DNAH17: variants seen among roughly 807,000 people sequenced by gnomAD.
The protein encoded by DNAH17 is axonemal beta dynein heavy chain 17.
In DNAH17, 376 loss-of-function variants were observed where a neutral mutation model predicts 485.6. The ratio of observed to expected loss-of-function variants is 0.77; its 90% CI spans 0.71 to 0.84. The LOEUF (loss-of-function observed/expected upper bound fraction) is 0.84. DNAH17 is among the 40% of genes least tolerant of loss of function. The pLI is 0.00. For synonymous variants in DNAH17, 3,031 were observed against 2,405.9 expected, an observed-to-expected ratio of 1.26 and a Z score of -7.60; for missense variants, 6,370 against 5,839.3, an observed-to-expected ratio of 1.09 and a Z score of -2.96.
intron 36 of DNAH17, chr17:78,500,032 A>C (rs1298234120): frequency 2.5e-6 from 1 of 402,462 alleles, no homozygotes; most frequent in Non-Finnish European, 4.5e-6. Context: ...GTTCGGGGCA[A>C]TCTTAACAAC....
In DNAH17 at chr17:78,543,863, C is replaced by T; in HGVS notation, c.2526G>A (p.Met842Ile). ...CTCCTGGGTGTTTCCTTACTGCAAC[C>T]ATGGCTTGGATCTTCACTCCAGCAT... ...VRDAGVKIQA[M>I]VAENAELFRA... The change falls in exon 17 of 81, where the codon ATG (methionine) becomes ATA (isoleucine). Residue 842 changes from methionine to isoleucine, a missense_variant. By Grantham distance (10) the Met-to-Ile change is conservative. Coordinates refer to ENST00000389840, the MANE Select transcript of DNAH17 (RefSeq NM_173628.4). 1 of 1,614,038 alleles carries T rather than the reference C, an allele frequency of 6.2e-7. No homozygotes were observed. The highest frequency in any genetic ancestry group is 8.5e-7 in the Non-Finnish European group (1 of 1,179,900).
intron 13 of DNAH17, among the ~76,000 whole-genome samples, chr17:78,560,323 G>A (rs2092124761): frequency 6.6e-6 from 1 of 152,152 alleles, no homozygotes; most frequent in Non-Finnish European, 1.5e-5. Flanking sequence ...CAGCTCTGGG[G>A]CTGTGCTTGT....
rs1406235992 is a variant in DNAH17 at position 78,450,392 on chromosome 17, C to T, written c.10902G>A (p.Val3634=). 6.2e-7 allele frequency: 1 copy of T among 1,613,710 alleles called. No individual in the cohort carries two copies. Among genetic ancestry groups the T allele is most frequent in the East Asian group, 2.2e-5 (1 of 44,886 alleles). The change falls in exon 68 of 81, where the codon GTG becomes GTA. Residue 3634 remains valine (V), a splice_region_variant and synonymous_variant. Coordinates refer to ENST00000389840, the MANE Select transcript of DNAH17 (RefSeq NM_173628.4). ...KHTASEIEEK[V]VEAKITEVKI... ...TAACTTCTGTGATTTTTGCCTCCACCACCTCGACACAAACAAAAGGGGTGT... is the reference window on the plus strand; with the variant it reads ...TAACTTCTGTGATTTTTGCCTCCACTACCTCGACACAAACAAAAGGGGTGT...
At chr17:78,501,671 C>A in intron 34 of DNAH17, 71 bp downstream of exon 34, 1 of 1,565,638 alleles carries the variant, frequency 6.4e-7, no homozygotes, top group African/African-American at 1.4e-5. Flanking sequence ...GTCTGAAGTC[C>A]CTGAATGCAC....
intron 34 of DNAH17, 85 bp from the exon 35 acceptor site, chr17:78,501,429 G>C (rs576660935): frequency 2.7e-6 from 4 of 1,469,914 alleles, no homozygotes; most frequent in East Asian, 2.3e-5. Context: ...CTCCAAGGCC[G>C]GTCCCCTGCT....
At chr17:78,523,270 C>T (rs940436822) in intron 25 of DNAH17, among the ~76,000 whole-genome samples, 3 of 152,014 alleles carry the variant, frequency 2.0e-5, no homozygotes, top group Non-Finnish European at 4.4e-5. Context: ...ATTACAGGCA[C>T]CTGCCACCAT....
intron 37 of DNAH17, chr17:78,498,762 C>T: frequency 2.9e-6 from 1 of 346,390 alleles, no homozygotes. Context: ...TAATTATTCT[C>T]CCACCTGTAT....
rs199669660 is a variant in DNAH17, at chr17:78,423,965, T to C, written c.13330A>G (p.Thr4444Ala). ...ATCCACTTCGCTGCCTTCTCTTTGGTCTTCAAGTTAAAGGTCCAGACATAG... is the reference window on the plus strand; with the variant it reads ...ATCCACTTCGCTGCCTTCTCTTTGGCCTTCAAGTTAAAGGTCCAGACATAG... ...PTYVWTFNLK[T>A]KEKAAKWILA... Residue 4444 changes from threonine to alanine, a missense_variant, in exon 81 of 81, where the codon ACC (threonine) becomes GCC (alanine). Physicochemically the swap from Thr to Ala is moderately conservative, Grantham distance 58. Transcript: ENST00000389840. 188 of 1,613,862 alleles carry C rather than the reference T, an allele frequency of 1.2e-4. 1 individual carries two copies. Among genetic ancestry groups the C allele is most frequent in the Non-Finnish European group, 1.1e-4 (127 of 1,179,888 alleles).
At chr17:78,499,471 G>A (rs143396434) in intron 36 of DNAH17, 50 of 161,052 alleles carry the variant, frequency 3.1e-4, no homozygotes, top group African/African-American at 8.3e-4. Flanking sequence ...CCTCTAAGGC[G>A]GGATGGGGGC....
chr17:78,466,451 T>TA lies in DNAH17; in HGVS notation c.8940+203dup, dbSNP rs910731168. 3.9e-4 allele frequency among the ~76,000 whole-genome samples: 59 copies of TA among 150,756 alleles called. 1 individual carries two copies. In the South Asian group the frequency reaches 8.2e-3, roughly 21 times the overall value. ...AATTATCAATAAAAAATAAATAAAT[T>TA]AAAAAAAAATAAAAAATAAAAAATA... is the stretch of plus-strand genomic sequence containing the variant. On this transcript the variant is annotated intron_variant, in intron 56 of 80. Transcript: ENST00000389840.
chr17:78,512,577 C>T (rs1046543041), intron 26 of DNAH17, among the ~76,000 whole-genome samples: 3 of 151,864 alleles, frequency 2.0e-5, no homozygotes, highest in African/African-American at 4.8e-5. Flanking sequence ...TGTCCTCCCC[C>T]TATTTGCCTA....
chr17:78,558,601 G>C (rs1017933850), intron 13 of DNAH17, among the ~76,000 whole-genome samples: 57 of 152,160 alleles, frequency 3.7e-4, no homozygotes, highest in African/African-American at 1.3e-3. Context: ...TTATCCTTAT[G>C]GGTGGATGAT....
Position 78,451,654 on chromosome 17 carries a change from T to C in DNAH17, c.10549A>G (p.Lys3517Glu), listed in dbSNP as rs774088303. Residue 3517 changes from lysine (K) to glutamate (E), a missense_variant, in exon 66 of 81, where the codon AAG (lysine) becomes GAG (glutamate). Lys to Glu is a moderately conservative substitution (Grantham distance 56). Transcript: ENST00000389840. ...KKGKYIKIGDKEVEYHPKFRL... is the reference protein window; with the variant it reads ...KKGKYIKIGDEEVEYHPKFRL... ...AACTTGGGGTGGTACTCCACCTCCT[T>C]GTCACCGATCTTAATGTACCTGGCG... 3.2e-6 allele frequency: 5 copies of C among 1,579,476 alleles called. No individual in the cohort carries two copies. Among genetic ancestry groups the C allele is most frequent in the East Asian group, 2.3e-5 (1 of 43,648 alleles).
chr17:78,530,046 G>A (rs565255529), intron 21 of DNAH17, among the ~76,000 whole-genome samples: 16 of 152,360 alleles, frequency 1.1e-4, no homozygotes, highest in Non-Finnish European at 1.9e-4. Flanking sequence ...TCCCACAGCT[G>A]CCAGTCTGTT....
chr17:78,449,409 A>G lies in DNAH17; in HGVS notation c.11211+5T>C. The G allele has an allele frequency of 6.5e-7, 1 of 1,548,466 alleles. No homozygotes were observed. The highest frequency in any genetic ancestry group is 1.2e-5 in the South Asian group (1 of 83,976). ...CACACTAGGAACAGTGAGGCTAGAC[A>G]TTACCTGAAACGTAACTTGTGCCAG... On this transcript the variant is annotated splice_donor_5th_base_variant and intron_variant, in intron 69 of 80. Transcript: ENST00000389840.
chr17:78,484,850 G>C lies in DNAH17; in HGVS notation c.7649+18C>G, dbSNP rs771626308. On this transcript the variant is annotated intron_variant, in intron 48 of 80. Coordinates refer to ENST00000389840, the MANE Select transcript of DNAH17 (RefSeq NM_173628.4). ...GCCCCGGGGCCACGCCTTCCCCTCC[G>C]GCCCCGCCCCGTCTAACCAGTGCCG... 19 of 1,492,178 alleles carry C rather than the reference G, an allele frequency of 1.3e-5. No homozygotes were observed. Among genetic ancestry groups the C allele is most frequent in the Non-Finnish European group, 1.7e-5 (19 of 1,115,930 alleles). 92.4% of individuals were successfully genotyped at this position (1,492,178 alleles called of 1,614,324 possible).
intron 69 of DNAH17, among the ~76,000 whole-genome samples, chr17:78,447,662 T>C (rs551148733): frequency 3.3e-5 from 5 of 152,308 alleles, no homozygotes; most frequent in Non-Finnish European, 7.3e-5. Flanking sequence ...ACTGAGGAAC[T>C]CTTATCCTGA....
intron 24 of DNAH17, among the ~76,000 whole-genome samples, chr17:78,525,969 G>A (rs1295930590): frequency 6.6e-6 from 1 of 152,270 alleles, no homozygotes; most frequent in East Asian, 1.9e-4. Context: ...CTGTGAGGCG[G>A]AGGTGCAGGT....
intron 61 of DNAH17, 93 bp downstream of exon 61, chr17:78,458,908 G>C (rs2087944021): frequency 7.3e-7 from 1 of 1,372,720 alleles, no homozygotes; most frequent in Non-Finnish European, 1.0e-6. Context: ...ATGACGGCGG[G>C]CCGTGCCAAC....
Sources: gnomAD v4.1 joint callset for allele counts (sites outside exome capture counted in the v4.1 genomes callset) on GRCh38, gnomAD v4.1.1 for gene constraint, MANE v1.5 for transcripts, NCBI Gene and HGNC (gene_info 2026-07-23, HGNC 2026-07-21) for gene names.